Variants in OR9Q1 observed in about 807,000 individuals in gnomAD.
OR9Q1 encodes the protein olfactory receptor family 9 subfamily Q member 1.
For synonymous variants in OR9Q1, 153 were observed against 148.6 expected, an observed-to-expected ratio of 1.03 and a Z score of -0.22; for missense variants, 374 against 378.8, an observed-to-expected ratio of 0.99 and a Z score of 0.11.
chr11:58,174,341 G>A (rs557787485), intron 2 of OR9Q1, among the ~76,000 whole-genome samples: 1 of 152,028 alleles, frequency 6.6e-6, no homozygotes. Context: ...CTGCAGCTTG[G>A]TCAAGTTAGC....
At chr11:58,113,436 G>A (rs1212814580) in intron 2 of OR9Q1, among the ~76,000 whole-genome samples, 1 of 152,114 alleles carries the variant, frequency 6.6e-6, no homozygotes, top group East Asian at 1.9e-4. Context: ...GAGGACTGCT[G>A]CAGGACAGCC....
chr11:58,070,638 A>G (rs753443290), intron 2 of OR9Q1, among the ~76,000 whole-genome samples: 7 of 152,240 alleles, frequency 4.6e-5, no homozygotes, highest in Non-Finnish European at 8.8e-5. Context: ...AATTCTGTGG[A>G]CATGGTGGCC....
At chr11:58,106,963 G>A (rs1853846133) in intron 2 of OR9Q1, among the ~76,000 whole-genome samples, 1 of 152,012 alleles carries the variant, frequency 6.6e-6, no homozygotes, top group Non-Finnish European at 1.5e-5. Context: ...AGCTATTCTA[G>A]GTATTTTATT....
At chr11:58,054,946 A>G (rs1853313159) in intron 1 of OR9Q1, among the ~76,000 whole-genome samples, 1 of 152,152 alleles carries the variant, frequency 6.6e-6, no homozygotes, top group Non-Finnish European at 1.5e-5. Context: ...GAACAACAAA[A>G]CACAATTATT....
At chr11:58,116,964 A>G (rs375605115) in intron 2 of OR9Q1, 2 of 152,190 alleles carry the variant, frequency 1.3e-5, no homozygotes, top group Non-Finnish European at 2.9e-5. Flanking sequence ...CCACCTTTCC[A>G]GGTAAGTACT....
chr11:58,138,612 G>A (rs1854211578), intron 2 of OR9Q1, among the ~76,000 whole-genome samples: 1 of 152,114 alleles, frequency 6.6e-6, no homozygotes, highest in Non-Finnish European at 1.5e-5. Context: ...CAGCTGTGCT[G>A]TTATTATTCC....
chr11:58,178,749 G>T, intron 2 of OR9Q1, among the ~76,000 whole-genome samples: 1 of 151,690 alleles, frequency 6.6e-6, no homozygotes, highest in East Asian at 1.9e-4. Context: ...CCCCTGTTCT[G>T]AGAATGTTTA....
chr11:58,161,865 G>A (rs1460977114), intron 2 of OR9Q1, among the ~76,000 whole-genome samples: 2 of 152,176 alleles, frequency 1.3e-5, no homozygotes, highest in African/African-American at 2.4e-5. Flanking sequence ...AAACTAGAGA[G>A]TCCAAACTGT....
At chr11:58,052,837 C>T (rs1361848282) in intron 1 of OR9Q1, among the ~76,000 whole-genome samples, 2 of 151,196 alleles carry the variant, frequency 1.3e-5, no homozygotes, top group African/African-American at 2.4e-5. Context: ...AGCCAAAAAA[C>T]ACATGAAAAA....
chr11:58,036,304 G>A (rs987623931), intron 1 of OR9Q1, among the ~76,000 whole-genome samples: 6 of 152,144 alleles, frequency 3.9e-5, no homozygotes, highest in African/African-American at 1.2e-4. Flanking sequence ...CCTACTGCTC[G>A]GGAAAGAATA....
At chr11:58,076,740 G>A (rs952172992) in intron 2 of OR9Q1, among the ~76,000 whole-genome samples, 4 of 152,108 alleles carry the variant, frequency 2.6e-5, no homozygotes, top group South Asian at 2.1e-4. Flanking sequence ...TCCTCCCTTG[G>A]CCTCCCAAAG....
intron 2 of OR9Q1, among the ~76,000 whole-genome samples, chr11:58,167,622 G>C (rs944743872): frequency 4.6e-5 from 7 of 152,254 alleles, no homozygotes; most frequent in African/African-American, 1.7e-4. Flanking sequence ...GTTTTAGCTG[G>C]GTAGGCTCAT....
At position 58,081,531 on chromosome 11, in the gene OR9Q1, C is replaced by T. The variant is rs189840464; in HGVS notation, c.-15+25584C>T. On this transcript the variant is annotated intron_variant, in intron 2 of 2. Transcript: ENST00000335397. ...CATTCTAACTGGTGTGAGATGTTAT[C>T]TCATTGTGGTTTTGATTTGCATTTC... Among the ~76,000 whole-genome samples the T allele has an allele frequency of 1.0e-3, 153 of 152,276 alleles. 1 individual carries two copies. The highest frequency in any genetic ancestry group is 3.4e-3 in the African/African-American group (141 of 41,560).
chr11:58,055,167 A>G (rs1316609121), intron 1 of OR9Q1, among the ~76,000 whole-genome samples: 2 of 152,048 alleles, frequency 1.3e-5, no homozygotes, highest in Non-Finnish European at 2.9e-5. Context: ...TCTCATCTGT[A>G]AAAAGGGGAC....
intron 2 of OR9Q1, among the ~76,000 whole-genome samples, chr11:58,058,856 A>G (rs1449492790): frequency 6.6e-6 from 1 of 152,196 alleles, no homozygotes; most frequent in Non-Finnish European, 1.5e-5. Flanking sequence ...GAGCTTGGCC[A>G]GGACTCAAGG....
At chr11:58,097,778 C>A (rs1853745586) in intron 2 of OR9Q1, among the ~76,000 whole-genome samples, 1 of 152,116 alleles carries the variant, frequency 6.6e-6, no homozygotes, top group African/African-American at 2.4e-5. Context: ...ATTCAGCAAT[C>A]AAAAAGAACT....
intron 2 of OR9Q1, among the ~76,000 whole-genome samples, chr11:58,056,987 G>GTTTTTTTTTTTTTTTTTTTTTTTTTT (rs34375940): frequency 1.5e-5 from 1 of 68,784 alleles, no homozygotes; most frequent in African/African-American, 5.9e-5. Flanking sequence ...TACAATTCAG[G>GTTTTTTTTTTTTTTTTTTTTTTTTTT]TTTTTTTTTT....
chr11:58,127,984 T>A (rs955854551), intron 2 of OR9Q1, among the ~76,000 whole-genome samples: 8 of 152,306 alleles, frequency 5.3e-5, no homozygotes, highest in African/African-American at 1.7e-4. Context: ...AAGTCAATTT[T>A]ATTTGGCTTT....
intron 2 of OR9Q1, among the ~76,000 whole-genome samples, chr11:58,176,271 A>G (rs1266420910): frequency 6.6e-6 from 1 of 152,228 alleles, no homozygotes; most frequent in Non-Finnish European, 1.5e-5. Flanking sequence ...GACCATGCAG[A>G]ACTAGGATTC....
Sources: gnomAD v4.1 joint callset for allele counts (sites outside exome capture counted in the v4.1 genomes callset) on GRCh38, gnomAD v4.1.1 for gene constraint, MANE v1.5 for transcripts, NCBI Gene and HGNC (gene_info 2026-07-23, HGNC 2026-07-21) for gene names.